The following CCDC91 variants were observed in gnomAD, a reference collection of about 807,000 sequenced individuals.
CCDC91 encodes coiled-coil domain-containing protein 91.
CCDC91 carries 48 observed loss-of-function variants against 63.2 expected under a neutral mutation model. The ratio of observed to expected loss-of-function variants is 0.76; its 90% confidence interval spans 0.60 to 0.97. The LOEUF (loss-of-function observed/expected upper bound fraction) is 0.97, where lower values mean the gene tolerates loss of function less well. Among genes scored for constraint, CCDC91 ranks in the 50% least tolerant of loss-of-function variants. CCDC91 has a pLI of 0.00. For missense variants in CCDC91, 500 were observed against 494.6 expected, an observed-to-expected ratio of 1.01 and a Z score of -0.10; for synonymous variants, 167 against 165.8, an observed-to-expected ratio of 1.01 and a Z score of -0.06.
chr12:28,395,119 G>C (rs978960930), intron 8 of CCDC91, among the ~76,000 whole-genome samples: 24 of 152,096 alleles, frequency 1.6e-4, no homozygotes, highest in African/African-American at 5.1e-4. Context: ...TTCATATGTT[G>C]TCTTGTCAAA....
intron 1 of CCDC91, among the ~76,000 whole-genome samples, chr12:28,221,052 A>C (rs1440646489): frequency 3.3e-5 from 5 of 152,060 alleles, no homozygotes; most frequent in Non-Finnish European, 1.5e-5. Flanking sequence ...GGGGGCCTCC[A>C]GTTACACATG....
intron 6 of CCDC91, among the ~76,000 whole-genome samples, chr12:28,337,709 G>GA (rs1256128404): frequency 6.6e-6 from 1 of 151,780 alleles, no homozygotes; most frequent in African/African-American, 2.4e-5. Context: ...TTGAAAGTTA[G>GA]AAAAAAATAC....
chr12:28,391,437 T>C, intron 8 of CCDC91, 26 bp downstream of exon 8: 1 of 1,350,482 alleles, frequency 7.4e-7, no homozygotes, highest in Non-Finnish European at 1.1e-6. Flanking sequence ...ATCCATTATA[T>C]ATTTATACTT....
At chr12:28,471,756 C>CTTTT (rs1950826876) in intron 11 of CCDC91, among the ~76,000 whole-genome samples, 1 of 130,544 alleles carries the variant, frequency 7.7e-6, no homozygotes, top group Non-Finnish European at 1.9e-5. Flanking sequence ...TATTTTCTCT[C>CTTTT]TCTTTTTTTT....
At chr12:28,297,307 G>C (rs1399605015) in intron 3 of CCDC91, among the ~76,000 whole-genome samples, 3 of 151,768 alleles carry the variant, frequency 2.0e-5, no homozygotes, top group African/African-American at 7.2e-5. Context: ...AAAAAAAATT[G>C]CACACTGTTT....
At chr12:28,357,035 ACTTGG>A (rs1943572414) in intron 6 of CCDC91, among the ~76,000 whole-genome samples, 1 of 152,222 alleles carries the variant, frequency 6.6e-6, no homozygotes, top group Admixed American at 6.5e-5. Context: ...TAGAGGTTCT[ACTTGG>A]CTTGGCAATT....
At chr12:28,318,702 G>T (rs538544780) in intron 6 of CCDC91, among the ~76,000 whole-genome samples, 37 of 151,928 alleles carry the variant, frequency 2.4e-4, no homozygotes, top group Non-Finnish European at 5.0e-4. Flanking sequence ...TTATTTTAAA[G>T]GGCTTATGTC....
chr12:28,274,567 C>A (rs1046178365), intron 3 of CCDC91, among the ~76,000 whole-genome samples: 1 of 151,936 alleles, frequency 6.6e-6, no homozygotes, highest in Non-Finnish European at 1.5e-5. Flanking sequence ...GTCCCTTGCA[C>A]GTTGGATTCC....
chr12:28,310,851 C>CTG (rs1331666910), intron 6 of CCDC91, among the ~76,000 whole-genome samples: 1 of 152,002 alleles, frequency 6.6e-6, no homozygotes, highest in Non-Finnish European at 1.5e-5. Context: ...TCATAATTCC[C>CTG]TGCCGAAGCA....
intron 3 of CCDC91, among the ~76,000 whole-genome samples, chr12:28,291,765 G>A (rs546492498): frequency 2.6e-5 from 4 of 152,264 alleles, no homozygotes; most frequent in African/African-American, 9.6e-5. Flanking sequence ...CAGCTCATGA[G>A]GCACCCACTT....
At chr12:28,547,484 C>G (rs1943071128) in intron 12 of CCDC91, among the ~76,000 whole-genome samples, 1 of 152,018 alleles carries the variant, frequency 6.6e-6, no homozygotes, top group African/African-American at 2.4e-5. Flanking sequence ...GTGCCAGACC[C>G]CCTCTAGATG....
At chr12:28,363,329 A>G (rs1300359417) in intron 7 of CCDC91, among the ~76,000 whole-genome samples, 1 of 152,180 alleles carries the variant, frequency 6.6e-6, no homozygotes, top group African/African-American at 2.4e-5. Context: ...TGACTTGGAG[A>G]TATTTTCATG....
At chr12:28,268,446 TG>T (rs1947509381) in intron 3 of CCDC91, among the ~76,000 whole-genome samples, 1 of 152,156 alleles carries the variant, frequency 6.6e-6, no homozygotes, top group African/African-American at 2.4e-5. Context: ...AAGAATCTCA[TG>T]ACCATCTGTA....
At chr12:28,392,696 C>T (rs1946026199) in intron 8 of CCDC91, among the ~76,000 whole-genome samples, 1 of 152,160 alleles carries the variant, frequency 6.6e-6, no homozygotes, top group African/African-American at 2.4e-5. Context: ...GTCTCTATCT[C>T]ACAGGCAAAT....
At chr12:28,532,321 G>T (rs1372683088) in intron 12 of CCDC91, among the ~76,000 whole-genome samples, 1 of 152,040 alleles carries the variant, frequency 6.6e-6, no homozygotes, top group Non-Finnish European at 1.5e-5. Context: ...GATTTACAAT[G>T]GAGTAGTCAT....
intron 8 of CCDC91, among the ~76,000 whole-genome samples, chr12:28,414,152 C>T (rs144010404): frequency 1.6e-3 from 236 of 152,248 alleles, no homozygotes; most frequent in Middle Eastern, 6.8e-3. Context: ...TACATCAAAA[C>T]TCGTTTGTCT....
At chr12:28,207,991 C>T (rs1442496799) in intron 1 of CCDC91, among the ~76,000 whole-genome samples, 1 of 152,160 alleles carries the variant, frequency 6.6e-6, no homozygotes, top group African/African-American at 2.4e-5. Context: ...GAAAATCTGG[C>T]AAAGTATTTC....
chr12:28,333,315 A>T (rs1035952721), intron 6 of CCDC91, among the ~76,000 whole-genome samples: 1 of 151,604 alleles, frequency 6.6e-6, no homozygotes, highest in Non-Finnish European at 1.5e-5. Context: ...GAATGGCGTG[A>T]ACCCAGGAGG....
intron 11 of CCDC91, among the ~76,000 whole-genome samples, chr12:28,466,467 GCGAGA>G (rs1950555339): frequency 6.6e-6 from 1 of 152,158 alleles, no homozygotes; most frequent in Non-Finnish European, 1.5e-5. Context: ...AAAGCAGCAA[GCGAGA>G]ATAAGCAAAT....
Sources: gnomAD v4.1 joint callset for allele counts (sites outside exome capture counted in the v4.1 genomes callset) on GRCh38, gnomAD v4.1.1 for gene constraint, MANE v1.5 for transcripts, NCBI Gene and HGNC (gene_info 2026-07-23, HGNC 2026-07-21) for gene names.